The following EXOC6 variants were observed in gnomAD, a reference collection of about 807,000 sequenced individuals.
EXOC6 encodes the protein exocyst complex component 6, also known as SEC15-like 1.
A neutral mutation model predicts 112.5 loss-of-function variants in EXOC6; 60 were observed. That is an observed-to-expected ratio of 0.53 (90% CI 0.43 to 0.66). EXOC6 has a LOEUF of 0.66. Ranked by LOEUF, EXOC6 falls within the 30% of genes least tolerant of loss-of-function variation. EXOC6 has a pLI of 0.00. For missense variants in EXOC6, 855 were observed against 957.1 expected, an observed-to-expected ratio of 0.89 and a Z score of 1.41; for synonymous variants, 295 against 308.0, an observed-to-expected ratio of 0.96 and a Z score of 0.44.
Position 92,996,485 on chromosome 10 carries a change from T to C in EXOC6, c.1954-989T>C, listed in dbSNP as rs978128344. ...ACAAAAAATTAGCCAGGCGTGGTGGTGGGCACCTGTAGTCCCAGCTACTTG... is the reference window on the plus strand; with the variant it reads ...ACAAAAAATTAGCCAGGCGTGGTGGCGGGCACCTGTAGTCCCAGCTACTTG... On this transcript the variant is annotated intron_variant, in intron 18 of 21. Transcript: ENST00000260762. Among the ~76,000 whole-genome samples, 19 of 151,946 alleles carry C rather than the reference T, an allele frequency of 1.3e-4. No homozygotes were observed. In the East Asian group the frequency reaches 2.1e-3, roughly 17 times the overall value.
chr10:92,922,776 A>G (rs1851516840), intron 8 of EXOC6, among the ~76,000 whole-genome samples: 1 of 152,066 alleles, frequency 6.6e-6, no homozygotes, highest in Non-Finnish European at 1.5e-5. Context: ...GAGTATAGGG[A>G]TCATTTTTTT....
chr10:92,880,302 G>T (rs1453952926), intron 1 of EXOC6, among the ~76,000 whole-genome samples: 1 of 152,110 alleles, frequency 6.6e-6, no homozygotes, highest in African/African-American at 2.4e-5. Context: ...GGGAATAATG[G>T]CAAGAACAAA....
At chr10:93,053,767 G>A (rs1462313970) in intron 20 of EXOC6, among the ~76,000 whole-genome samples, 3 of 152,252 alleles carry the variant, frequency 2.0e-5, no homozygotes, top group South Asian at 4.1e-4. Context: ...TGGTTAGACT[G>A]TGCTAGACAC....
chr10:92,938,859 C>G (rs1172167047), intron 12 of EXOC6, among the ~76,000 whole-genome samples: 1 of 152,068 alleles, frequency 6.6e-6, no homozygotes, highest in Non-Finnish European at 1.5e-5. Flanking sequence ...GGTGGAATAA[C>G]TAACTTAGAT....
At chr10:92,848,495 C>T (rs765005680), upstream of EXOC6, 46 of 1,290,662 alleles carry the variant, frequency 3.6e-5, no homozygotes, top group East Asian at 4.6e-4. Context: ...GTCGTTCCCG[C>T]GGCGCCGCGC....
At chr10:92,872,666 A>T (rs963407924) in intron 1 of EXOC6, among the ~76,000 whole-genome samples, 1 of 152,090 alleles carries the variant, frequency 6.6e-6, no homozygotes, top group Non-Finnish European at 1.5e-5. Context: ...ATTTTTGGGT[A>T]TATAAATATT....
chr10:92,872,498 C>T (rs1399859788), intron 1 of EXOC6, among the ~76,000 whole-genome samples: 2 of 151,912 alleles, frequency 1.3e-5, no homozygotes, highest in African/African-American at 4.8e-5. Context: ...CACATACATG[C>T]CTTATTAATT....
intron 17 of EXOC6, among the ~76,000 whole-genome samples, chr10:92,956,989 A>G (rs962984405): frequency 3.3e-5 from 5 of 152,150 alleles, no homozygotes; most frequent in African/African-American, 1.2e-4. Flanking sequence ...CTGAGAATAC[A>G]AAAATGTATC....
At chr10:93,000,822 A>G (rs192343822) in intron 19 of EXOC6, among the ~76,000 whole-genome samples, 29 of 152,304 alleles carry the variant, frequency 1.9e-4, no homozygotes, top group African/African-American at 6.7e-4. Flanking sequence ...TTACTTAAGT[A>G]ATATAGCATG....
chr10:92,977,152 G>T (rs1437421497), intron 18 of EXOC6, among the ~76,000 whole-genome samples: 1 of 152,138 alleles, frequency 6.6e-6, no homozygotes, highest in Non-Finnish European at 1.5e-5. Context: ...ACCTTGAGCA[G>T]TGTGATATAA....
chr10:92,854,812 T>A (rs1847520954), intron 1 of EXOC6, among the ~76,000 whole-genome samples: 1 of 151,994 alleles, frequency 6.6e-6, no homozygotes, highest in South Asian at 2.1e-4. Context: ...TTTGATCTGT[T>A]TTTTGTGTGT....
At chr10:92,874,850 G>T (rs375701022) in intron 1 of EXOC6, among the ~76,000 whole-genome samples, 1 of 152,058 alleles carries the variant, frequency 6.6e-6, no homozygotes, top group East Asian at 1.9e-4. Flanking sequence ...TCTGTACTTG[G>T]TGGAGGATGA....
intron 17 of EXOC6, among the ~76,000 whole-genome samples, chr10:92,966,273 G>GTAATTATAATTA (rs150881399): frequency 1.2e-4 from 14 of 115,860 alleles, no homozygotes; most frequent in African/African-American, 3.2e-4. Context: ...TAGAAAGCAT[G>GTAATTATAATTA]TAATTATAAT....
At chr10:92,837,225 C>CA (rs1320892129) in intron 1 of EXOC6, among the ~76,000 whole-genome samples, 1 of 151,814 alleles carries the variant, frequency 6.6e-6, no homozygotes, top group Non-Finnish European at 1.5e-5. Flanking sequence ...TGTGAATATT[C>CA]AGTTGTGGAA....
At chr10:93,002,479 T>G (rs898837367) in intron 19 of EXOC6, among the ~76,000 whole-genome samples, 1 of 152,198 alleles carries the variant, frequency 6.6e-6, no homozygotes, top group Non-Finnish European at 1.5e-5. Context: ...ATGCAAATCT[T>G]GGGCCCCACC....
At chr10:93,054,895 A>G (rs966989813) in intron 20 of EXOC6, among the ~76,000 whole-genome samples, 2 of 152,152 alleles carry the variant, frequency 1.3e-5, no homozygotes, top group African/African-American at 4.8e-5. Flanking sequence ...ATATAAATAT[A>G]TAAACCTTAT....
chr10:93,022,727 A>G (rs1487112208), intron 20 of EXOC6, among the ~76,000 whole-genome samples: 1 of 152,150 alleles, frequency 6.6e-6, no homozygotes, highest in African/African-American at 2.4e-5. Flanking sequence ...AGTATGGGGA[A>G]TTGGCAAAAA....
At chr10:92,923,742 A>C (rs967882303) in intron 8 of EXOC6, among the ~76,000 whole-genome samples, 2 of 152,212 alleles carry the variant, frequency 1.3e-5, no homozygotes, top group Admixed American at 6.5e-5. Flanking sequence ...TTCATCACAT[A>C]GATGAACTCA....
At chr10:92,991,023 A>G (rs576060106) in intron 18 of EXOC6, among the ~76,000 whole-genome samples, 3 of 152,214 alleles carry the variant, frequency 2.0e-5, no homozygotes, top group South Asian at 2.1e-4. Flanking sequence ...ACCTACATCT[A>G]TGAAAGGGAA....
Sources: allele counts gnomAD v4.1 joint callset (sites outside exome capture counted in the v4.1 genomes callset), GRCh38; gene constraint gnomAD v4.1.1; transcripts MANE v1.5; gene names NCBI Gene and HGNC (gene_info 2026-07-23, HGNC 2026-07-21).